JPH3: variants seen among roughly 807,000 people sequenced by gnomAD.
JPH3 encodes junctophilin-3.
Under a neutral mutation model 59.6 loss-of-function variants are expected in JPH3, and 11 were observed. The observed-to-expected ratio is 0.18, with a 90% CI of 0.12 to 0.31. JPH3 has a LOEUF of 0.31. Ranked by LOEUF, JPH3 falls within the 10% of genes least tolerant of loss-of-function variation. JPH3 has a pLI of 1.00. For missense variants in JPH3, 1,202 were observed against 1,105.7 expected (o/e 1.09, Z -1.24); for synonymous variants, 673 against 483.6 (o/e 1.39, Z -5.14).
chr16:87,603,158 G>A lies in JPH3; in HGVS notation c.12G>A (p.Gly4=), dbSNP rs2030327479. Residue 4 remains glycine (G), a synonymous_variant, in exon 1 of 5, where the codon GGG becomes GGA. Coordinates refer to ENST00000284262, the MANE Select transcript of JPH3 (RefSeq NM_020655.4). MSS[G]GRFNFDDGGS... ...ACCGAGTTACATGCATGTCCAGTGG[G>A]GGCAGGTTTAATTTTGACGACGGAG... is the stretch of plus-strand genomic sequence containing the variant. 6.2e-7 allele frequency: 1 copy of A among 1,613,964 alleles called. No homozygotes were observed. Among genetic ancestry groups the A allele is most frequent in the Non-Finnish European group, 8.5e-7 (1 of 1,179,890 alleles).
intron 2 of JPH3, among the ~76,000 whole-genome samples, chr16:87,669,052 A>G (rs929504346): frequency 6.6e-6 from 1 of 151,994 alleles, no homozygotes; most frequent in South Asian, 2.1e-4. Context: ...TTAGTAAGGA[A>G]ATCGCCGCTG....
chr16:87,685,668 G>C (rs1229063229), intron 3 of JPH3, among the ~76,000 whole-genome samples: 1 of 152,266 alleles, frequency 6.6e-6, no homozygotes, highest in South Asian at 2.1e-4. Flanking sequence ...GCCACTCCAC[G>C]CAGAATGCAC....
At position 87,602,913 on chromosome 16, in the gene JPH3, A is replaced by T. The variant is rs2030303001; in HGVS notation, c.-234A>T. 1 of 277,626 alleles carries T rather than the reference A, an allele frequency of 3.6e-6. No individual in the cohort carries two copies. The highest frequency in any genetic ancestry group is 6.7e-6 in the Non-Finnish European group (1 of 150,306). The allele number at this position is 277,626 out of a possible 1,614,324, so 17.2% of individuals were successfully genotyped here. On this transcript the variant is annotated 5_prime_UTR_variant, in exon 1 of 5. Transcript: ENST00000284262. ...GTCCTGTCTCCAGCGGGAGCGCGAG[A>T]CGCTGGTCAGGCTCCGCGGCGCAGC...
chr16:87,689,584 G>T (rs753582715), intron 3 of JPH3, 62 bp from the exon 4 acceptor site: 89 of 1,547,160 alleles, frequency 5.8e-5, no homozygotes, highest in Non-Finnish European at 7.5e-5. Context: ...CCCGGGGACC[G>T]CGGCCTCGCT....
chr16:87,684,253 G>A lies in JPH3; in HGVS notation c.1272G>A (p.Gln424=), dbSNP rs766108755. The A allele has an allele frequency of 4.3e-6, 7 of 1,613,990 alleles. No homozygotes were observed. The highest frequency in any genetic ancestry group is 5.9e-6 in the Non-Finnish European group (7 of 1,180,016). Residue 424 remains glutamine (Q), a synonymous_variant, in exon 3 of 5, where the codon CAG becomes CAA. Coordinates refer to ENST00000284262, the MANE Select transcript of JPH3 (RefSeq NM_020655.4). ...CCAAAGAGTTCTCCCCTTCCTTCCA[G>A]CACCGGGAAAACGGTGAGTCTCGCC... is the stretch of plus-strand genomic sequence containing the variant. ...ITAKEFSPSF[Q]HRENGLEYQR...
At chr16:87,655,830 G>C (rs906639215) in intron 2 of JPH3, among the ~76,000 whole-genome samples, 2 of 152,240 alleles carry the variant, frequency 1.3e-5, no homozygotes, top group Admixed American at 6.5e-5. Context: ...CCTCGTAGGA[G>C]GCTCTGGATT....
intron 2 of JPH3, among the ~76,000 whole-genome samples, chr16:87,648,983 C>T (rs574951494): frequency 6.5e-4 from 99 of 152,284 alleles, no homozygotes; most frequent in South Asian, 4.4e-3. Context: ...AGGCCTTGGC[C>T]CCACGGGGAG....
intron 1 of JPH3, among the ~76,000 whole-genome samples, chr16:87,625,942 A>G (rs1036764700): frequency 6.6e-6 from 1 of 152,192 alleles, no homozygotes; most frequent in Non-Finnish European, 1.5e-5. Flanking sequence ...GCCCCTGCAC[A>G]GCGCACGTTC....
At chr16:87,639,280 G>C (rs931005755) in intron 1 of JPH3, among the ~76,000 whole-genome samples, 1 of 151,968 alleles carries the variant, frequency 6.6e-6, no homozygotes, top group Non-Finnish European at 1.5e-5. Flanking sequence ...GTTGTAGATT[G>C]AGAAAGTGTT....
intron 2 of JPH3, among the ~76,000 whole-genome samples, chr16:87,657,171 CCTGCTT>C (rs1309363820): frequency 2.0e-5 from 3 of 152,092 alleles, no homozygotes; most frequent in Non-Finnish European, 4.4e-5. Context: ...GTGGGTGAGC[CCTGCTT>C]CTCAAGCAAC....
At chr16:87,670,873 G>A (rs201804952) in intron 2 of JPH3, among the ~76,000 whole-genome samples, 1 of 62,376 alleles carries the variant, frequency 1.6e-5, no homozygotes, top group Non-Finnish European at 3.5e-5. Flanking sequence ...GGGGACGGGA[G>A]GGGGGTCAGG....
chr16:87,688,565 T>C (rs1331065559), intron 3 of JPH3, among the ~76,000 whole-genome samples: 1 of 151,900 alleles, frequency 6.6e-6, no homozygotes, highest in African/African-American at 2.4e-5. Flanking sequence ...GACTCTAAGA[T>C]GGGCAGTGGC....
intron 4 of JPH3, chr16:87,695,375 A>G (rs1163746756): frequency 2.2e-6 from 1 of 456,150 alleles, no homozygotes; most frequent in Non-Finnish European, 4.4e-6. Flanking sequence ...AGGAATGTGC[A>G]TCCTGGGACC....
chr16:87,681,995 G>T (rs1207138400), intron 2 of JPH3, among the ~76,000 whole-genome samples: 1 of 152,100 alleles, frequency 6.6e-6, no homozygotes, highest in Non-Finnish European at 1.5e-5. Context: ...TGTGGCGGGG[G>T]GTCATGCAGA....
At chr16:87,652,130 G>A (rs937576917) in intron 2 of JPH3, among the ~76,000 whole-genome samples, 9 of 152,176 alleles carry the variant, frequency 5.9e-5, no homozygotes, top group East Asian at 3.9e-4. Context: ...GCCCACCACC[G>A]TGCCCAGCTA....
intron 4 of JPH3, among the ~76,000 whole-genome samples, chr16:87,691,875 C>A (rs2033591348): frequency 6.6e-6 from 1 of 152,148 alleles, no homozygotes; most frequent in African/African-American, 2.4e-5. Context: ...ATTTTAGGAA[C>A]AGCCAAGCAG....
chr16:87,636,416 C>T (rs1159921852), intron 1 of JPH3, among the ~76,000 whole-genome samples: 1 of 152,190 alleles, frequency 6.6e-6, no homozygotes, highest in Non-Finnish European at 1.5e-5. Flanking sequence ...ATGGTGCAGG[C>T]GTGTGCGCTC....
At chr16:87,675,212 C>T (rs1206677672) in intron 2 of JPH3, among the ~76,000 whole-genome samples, 2 of 138,580 alleles carry the variant, frequency 1.4e-5, no homozygotes, top group Non-Finnish European at 3.1e-5. Context: ...CCCCGACTCG[C>T]TGACCCCTCC....
intron 2 of JPH3, among the ~76,000 whole-genome samples, chr16:87,662,262 G>C (rs1409752603): frequency 6.6e-6 from 1 of 152,114 alleles, no homozygotes; most frequent in Non-Finnish European, 1.5e-5. Flanking sequence ...CCTCTGCCTG[G>C]GGAGGTGAGT....
Sources: gnomAD v4.1 joint callset for allele counts (sites outside exome capture counted in the v4.1 genomes callset) on GRCh38, gnomAD v4.1.1 for gene constraint, MANE v1.5 for transcripts, NCBI Gene and HGNC (gene_info 2026-07-23, HGNC 2026-07-21) for gene names.